ASTN2: variants seen among roughly 807,000 people sequenced by gnomAD.
ASTN2 encodes the protein astrotactin 2.
A neutral mutation model predicts 139.8 loss-of-function variants in ASTN2; 54 were observed. The ratio of observed to expected loss-of-function variants is 0.39; its 90% CI spans 0.31 to 0.48. The LOEUF (loss-of-function observed/expected upper bound fraction) is 0.48, where lower values mean the gene tolerates loss of function less well. ASTN2 is among the 20% of genes least tolerant of loss of function. ASTN2 has a pLI of 0.95. For missense variants in ASTN2, 1,565 were observed against 1,725.1 expected, an observed-to-expected ratio of 0.91 and a Z score of 1.64; for synonymous variants, 756 against 719.5, an observed-to-expected ratio of 1.05 and a Z score of -0.81.
chr9:117,027,238 T>C (rs1233964389), intron 6 of ASTN2, among the ~76,000 whole-genome samples: 1 of 152,178 alleles, frequency 6.6e-6, no homozygotes. Flanking sequence ...GCATCTATTA[T>C]CTATTATTTC....
intron 10 of ASTN2, among the ~76,000 whole-genome samples, chr9:116,875,536 A>G (rs1334632894): frequency 6.6e-6 from 1 of 152,344 alleles, no homozygotes; most frequent in Admixed American, 6.5e-5. Flanking sequence ...GTTATCAAAA[A>G]CATCTAGTTA....
intron 22 of ASTN2, among the ~76,000 whole-genome samples, chr9:116,431,411 A>G (rs1847492435): frequency 6.6e-6 from 1 of 152,060 alleles, no homozygotes; most frequent in Non-Finnish European, 1.5e-5. Flanking sequence ...AGAAGTGGAG[A>G]GGGCAGAGGT....
intron 1 of ASTN2, among the ~76,000 whole-genome samples, chr9:117,356,961 G>A (rs1422331576): frequency 1.3e-5 from 2 of 152,120 alleles, no homozygotes; most frequent in Non-Finnish European, 2.9e-5. Context: ...CTACTTGGGA[G>A]GTGGAGGCAA....
At chr9:116,551,182 G>T (rs1852325968) in intron 19 of ASTN2, 1 of 152,156 alleles carries the variant, frequency 6.6e-6, no homozygotes, top group South Asian at 2.1e-4. Context: ...CAGTCATTTT[G>T]GGGCCAACCT....
chr9:116,823,694 T>C (rs1465678549), intron 11 of ASTN2, among the ~76,000 whole-genome samples: 1 of 152,200 alleles, frequency 6.6e-6, no homozygotes, highest in Admixed American at 6.5e-5. Context: ...CTCCCCAAGA[T>C]GATTTGCTGA....
chr9:117,050,748 AG>A (rs1254582854), intron 5 of ASTN2, among the ~76,000 whole-genome samples: 2 of 152,112 alleles, frequency 1.3e-5, no homozygotes, highest in Non-Finnish European at 2.9e-5. Flanking sequence ...TTCTAAAAAT[AG>A]GGGGCATTTT....
chr9:116,860,652 A>C (rs866478959), intron 11 of ASTN2, among the ~76,000 whole-genome samples: 1 of 152,290 alleles, frequency 6.6e-6, no homozygotes, highest in Middle Eastern at 3.4e-3. Context: ...AAAGCAAGCC[A>C]AAGTGGCCCT....
intron 10 of ASTN2, among the ~76,000 whole-genome samples, chr9:116,917,744 T>C (rs1189220194): frequency 6.6e-6 from 1 of 152,198 alleles, no homozygotes; most frequent in Non-Finnish European, 1.5e-5. Context: ...ATCATGTAAT[T>C]GGTTAATTAT....
chr9:117,164,318 T>G (rs1166464109), intron 3 of ASTN2, among the ~76,000 whole-genome samples: 1 of 152,062 alleles, frequency 6.6e-6, no homozygotes, highest in Non-Finnish European at 1.5e-5. Flanking sequence ...GACTTCCAAC[T>G]GGCTGAAGAA....
intron 1 of ASTN2, among the ~76,000 whole-genome samples, chr9:117,297,783 T>TC (rs887609552): frequency 1.9e-3 from 282 of 152,290 alleles, no homozygotes; most frequent in Middle Eastern, 6.8e-3. Context: ...TCTAAAATAA[T>TC]CCAGCCACTG....
At chr9:116,550,164 T>G (rs911713385) in intron 19 of ASTN2, among the ~76,000 whole-genome samples, 3 of 152,220 alleles carry the variant, frequency 2.0e-5, no homozygotes, top group Non-Finnish European at 2.9e-5. Flanking sequence ...ACTCTGACTC[T>G]TTTATCTCAG....
chr9:117,402,218 C>A (rs1175580084), intron 1 of ASTN2, among the ~76,000 whole-genome samples: 1 of 152,128 alleles, frequency 6.6e-6, no homozygotes, highest in Non-Finnish European at 1.5e-5. Context: ...AGGCACCTGC[C>A]ACCACACCTG....
At position 117,217,369 on chromosome 9, in the gene ASTN2, C is replaced by T. The variant is rs557073529; in HGVS notation, c.631-2627G>A. Among the ~76,000 whole-genome samples, 28 of 152,256 alleles carry T rather than the reference C, an allele frequency of 1.8e-4. No homozygotes were observed. In the South Asian group the frequency reaches 5.2e-3, roughly 28 times the overall value. On this transcript the variant is annotated intron_variant, in intron 2 of 22. Coordinates refer to ENST00000313400, the MANE Select transcript of ASTN2 (RefSeq NM_001365068.1). ...CTGGGCCTTCATTCCTCATCCCACT[C>T]AGTATATCCCGATTATGGTTGTGGG...
chr9:117,108,977 G>A (rs1829178252), intron 4 of ASTN2, among the ~76,000 whole-genome samples: 1 of 152,084 alleles, frequency 6.6e-6, no homozygotes, highest in Non-Finnish European at 1.5e-5. Flanking sequence ...CCATTTATTA[G>A]TAAGCTGGAT....
rs755732550 is a variant in ASTN2 at position 116,698,029 on chromosome 9, G to C, written c.2806+27742C>G. On this transcript the variant is annotated intron_variant, in intron 16 of 22. Transcript: ENST00000313400. This position sits in a 1 kb window ranked among gnomAD's most constrained non-coding sequence, Gnocchi z 4.4. ...ACAGCTGGGCTCAGCGAGGCTGTGG[G>C]GCTGCTCATGTGTCGGTCCTGTGGG... The C allele has an allele frequency of 2.5e-6, 4 of 1,614,050 alleles. No homozygotes were observed. The highest frequency in any genetic ancestry group is 3.4e-6 in the Non-Finnish European group (4 of 1,180,048).
intron 22 of ASTN2, among the ~76,000 whole-genome samples, chr9:116,434,940 T>A (rs1847604702): frequency 6.6e-6 from 1 of 152,172 alleles, no homozygotes; most frequent in African/African-American, 2.4e-5. Context: ...TAGGAAAGAT[T>A]TGAAAACATT....
At chr9:116,851,321 G>A (rs1268720033) in intron 11 of ASTN2, among the ~76,000 whole-genome samples, 1 of 152,188 alleles carries the variant, frequency 6.6e-6, no homozygotes. Flanking sequence ...CATGGTGGGT[G>A]TGTTGGGGGA....
intron 20 of ASTN2, among the ~76,000 whole-genome samples, chr9:116,465,986 C>T (rs1848637820): frequency 6.6e-6 from 1 of 152,088 alleles, no homozygotes; most frequent in South Asian, 2.1e-4. Flanking sequence ...TTTCAGTATT[C>T]ATGATTAAAA....
At chr9:117,185,976 G>T (rs1831186864) in intron 3 of ASTN2, among the ~76,000 whole-genome samples, 1 of 152,134 alleles carries the variant, frequency 6.6e-6, no homozygotes, top group Non-Finnish European at 1.5e-5. Context: ...GAACAGAAAG[G>T]TAAAGGAAGT....
Sources: allele counts gnomAD v4.1 joint callset (sites outside exome capture counted in the v4.1 genomes callset), GRCh38; gene constraint gnomAD v4.1.1; non-coding constraint Gnocchi (gnomAD v3.1); transcripts MANE v1.5; gene names NCBI Gene and HGNC (gene_info 2026-07-23, HGNC 2026-07-21).